SCAPER: variants seen among roughly 807,000 people sequenced by gnomAD.
SCAPER encodes S phase cyclin A-associated protein in the endoplasmic reticulum.
A neutral mutation model predicts 182.2 loss-of-function variants in SCAPER; 98 were observed. That is an observed-to-expected ratio of 0.54 (90% CI 0.46 to 0.64). SCAPER has a LOEUF of 0.64. SCAPER is among the 30% of genes least tolerant of loss of function. The pLI is 0.00. For missense variants in SCAPER, 1,432 were observed against 1,690.0 expected, an observed-to-expected ratio of 0.85 and a Z score of 2.68; for synonymous variants, 605 against 564.6, an observed-to-expected ratio of 1.07 and a Z score of -1.01.
chr15:76,690,509 T>C (rs574742046), intron 20 of SCAPER, among the ~76,000 whole-genome samples: 13 of 152,186 alleles, frequency 8.5e-5, no homozygotes, highest in Non-Finnish European at 1.8e-4. Context: ...GTCTGGTGTT[T>C]AGTTATATTA....
At chr15:76,600,379 GTGTGTATA>G (rs1279127235) in intron 22 of SCAPER, among the ~76,000 whole-genome samples, 1 of 47,028 alleles carries the variant, frequency 2.1e-5, no homozygotes, top group East Asian at 5.7e-4. Context: ...CTTGGAAAGT[GTGTGTATA>G]TGTGTGTGTG....
At chr15:76,381,301 G>T in intron 28 of SCAPER, 77 bp downstream of exon 28, 1 of 1,184,200 alleles carries the variant, frequency 8.4e-7, no homozygotes, top group South Asian at 1.3e-5. Flanking sequence ...CAATTCAGGA[G>T]AAGAATCTGA....
intron 17 of SCAPER, among the ~76,000 whole-genome samples, chr15:76,715,952 C>G (rs1398153639): frequency 2.6e-5 from 4 of 152,082 alleles, no homozygotes; most frequent in Non-Finnish European, 5.9e-5. Flanking sequence ...TTCACAAGAC[C>G]CTAAGCCCAG....
intron 22 of SCAPER, among the ~76,000 whole-genome samples, chr15:76,581,097 C>T (rs998917655): frequency 1.3e-4 from 20 of 151,974 alleles, no homozygotes; most frequent in Admixed American, 9.8e-4. Context: ...GGCTGAACTA[C>T]GAAGAAATCC....
chr15:76,766,993 T>C lies in SCAPER; in HGVS notation c.1344A>G (p.Glu448=). The C allele has an allele frequency of 6.2e-7, 1 of 1,608,390 alleles. No individual in the cohort carries two copies. The highest frequency in any genetic ancestry group is 8.5e-7 in the Non-Finnish European group (1 of 1,176,902). The change falls in exon 11 of 32, where the codon GAA becomes GAG. Residue 448 remains glutamate (E), a synonymous_variant. Transcript: ENST00000563290. ...CAGCTTCAATTTCTCTAGTTAACTG[T>C]TCTTCTTCAGCAATAGCACTAGCAA... ...EAIASAIAEE[E]QLTREIEAEE... is the part of the protein sequence containing the mutation.
At chr15:76,789,859 T>A (rs1274763001) in intron 8 of SCAPER, among the ~76,000 whole-genome samples, 13 of 152,250 alleles carry the variant, frequency 8.5e-5, no homozygotes, top group Non-Finnish European at 1.6e-4. Context: ...GATGTGCACC[T>A]GGAATAATCC....
chr15:76,700,878 T>C (rs752924411), intron 20 of SCAPER, among the ~76,000 whole-genome samples: 5 of 152,090 alleles, frequency 3.3e-5, no homozygotes, highest in Non-Finnish European at 7.4e-5. Flanking sequence ...ATAACATTTG[T>C]ATGAAATTTA....
At chr15:76,576,177 C>T (rs2047805807) in intron 22 of SCAPER, among the ~76,000 whole-genome samples, 1 of 152,116 alleles carries the variant, frequency 6.6e-6, no homozygotes, top group Non-Finnish European at 1.5e-5. Context: ...GCCTGGGTAA[C>T]AAGGCAAGAC....
At chr15:76,451,910 A>G (rs1450360738) in intron 25 of SCAPER, among the ~76,000 whole-genome samples, 1 of 152,146 alleles carries the variant, frequency 6.6e-6, no homozygotes, top group Non-Finnish European at 1.5e-5. Flanking sequence ...GGGTATTGGG[A>G]AAGGTCTAAT....
chr15:76,835,845 A>G (rs907957281), intron 5 of SCAPER, among the ~76,000 whole-genome samples: 3 of 151,948 alleles, frequency 2.0e-5, no homozygotes, highest in African/African-American at 7.3e-5. Context: ...ACACAAAATC[A>G]ATGTACAAAA....
intron 8 of SCAPER, among the ~76,000 whole-genome samples, chr15:76,775,650 G>GCAGAATCCAAACA (rs2063705098): frequency 6.6e-6 from 1 of 152,048 alleles, no homozygotes; most frequent in Admixed American, 6.6e-5. Flanking sequence ...TACCTCCAAA[G>GCAGAATCCAAACA]TCTGAGTTCT....
chr15:76,636,859 G>A (rs1006786489), intron 21 of SCAPER, among the ~76,000 whole-genome samples: 3 of 152,004 alleles, frequency 2.0e-5, no homozygotes, highest in Non-Finnish European at 2.9e-5. Context: ...GTGGAGGTAC[G>A]AACTTTGGTG....
At chr15:76,386,479 A>G (rs1414915077) in intron 27 of SCAPER, among the ~76,000 whole-genome samples, 1 of 152,218 alleles carries the variant, frequency 6.6e-6, no homozygotes, top group Non-Finnish European at 1.5e-5. Context: ...TTAGTGCAGG[A>G]AGATATAAAC....
intron 23 of SCAPER, among the ~76,000 whole-genome samples, chr15:76,550,073 C>G (rs912009232): frequency 6.6e-6 from 1 of 151,898 alleles, no homozygotes; most frequent in Non-Finnish European, 1.5e-5. Context: ...GGGTTAATAA[C>G]CAGAATGTAT....
At chr15:76,831,890 C>T (rs2151718659) in intron 5 of SCAPER, among the ~76,000 whole-genome samples, 1 of 152,158 alleles carries the variant, frequency 6.6e-6, no homozygotes, top group Non-Finnish European at 1.5e-5. Context: ...GCTTGGTGGC[C>T]TGAAAGCATT....
intron 7 of SCAPER, among the ~76,000 whole-genome samples, chr15:76,799,821 T>A (rs924424044): frequency 6.6e-6 from 1 of 152,112 alleles, no homozygotes; most frequent in Non-Finnish European, 1.5e-5. Flanking sequence ...GCTGTGGTAA[T>A]AAATGGAGCT....
intron 29 of SCAPER, among the ~76,000 whole-genome samples, chr15:76,370,819 T>C (rs146969369): frequency 1.3e-5 from 2 of 152,312 alleles, no homozygotes; most frequent in East Asian, 3.9e-4. Context: ...TCATAAAACA[T>C]GTTCATTTAC....
intron 8 of SCAPER, among the ~76,000 whole-genome samples, chr15:76,790,340 T>A (rs1177652521): frequency 6.6e-6 from 1 of 152,242 alleles, no homozygotes; most frequent in Admixed American, 6.5e-5. Context: ...TCCTCTTTTT[T>A]ATCCTCAGGA....
At chr15:76,497,989 CAAAAAAAAAAAA>C (rs747096625) in intron 24 of SCAPER, among the ~76,000 whole-genome samples, 10,635 of 58,516 alleles carry the variant, frequency 0.18, 478 homozygotes, top group African/African-American at 0.29. Flanking sequence ...GACTCCGTCT[CAAAAAAAAAAAA>C]AAAAAAAAAA....
Sources: allele counts gnomAD v4.1 joint callset (sites outside exome capture counted in the v4.1 genomes callset), GRCh38; gene constraint gnomAD v4.1.1; transcripts MANE v1.5; gene names NCBI Gene and HGNC (gene_info 2026-07-23, HGNC 2026-07-21).